The following DPF3 variants were observed in gnomAD, a reference collection of about 807,000 sequenced individuals.
DPF3 encodes zinc finger protein DPF3.
In DPF3, 18 loss-of-function variants were observed where a neutral mutation model predicts 56.8. That is an observed-to-expected ratio of 0.32 (90% confidence interval 0.22 to 0.47). The LOEUF is 0.47. Among genes scored for constraint, DPF3 ranks in the 20% least tolerant of loss-of-function variants. The pLI, the probability that DPF3 is intolerant of heterozygous loss-of-function variation, is 1.00. For missense variants in DPF3, 403 were observed against 488.8 expected, an observed-to-expected ratio of 0.82 and a Z score of 1.65; for synonymous variants, 188 against 180.2, an observed-to-expected ratio of 1.04 and a Z score of -0.35.
At chr14:72,861,472 G>A (rs1444963315) in intron 1 of DPF3, among the ~76,000 whole-genome samples, 1 of 151,968 alleles carries the variant, frequency 6.6e-6, no homozygotes, top group Non-Finnish European at 1.5e-5. Context: ...GGGTGAATTT[G>A]GTCATTTTGC....
intron 1 of DPF3, chr14:72,879,972 A>G (rs538077742): frequency 1.1e-5 from 16 of 1,470,810 alleles, no homozygotes; most frequent in Non-Finnish European, 1.2e-5. Context: ...GAAAGGTGAA[A>G]AAGAAACACC....
chr14:72,715,853 C>G (rs1487066814), intron 5 of DPF3, among the ~76,000 whole-genome samples: 1 of 151,266 alleles, frequency 6.6e-6, no homozygotes, highest in Non-Finnish European at 1.5e-5. Context: ...CCACCCCACC[C>G]CTGCAGCGCT....
At chr14:72,793,893 C>T (rs1408590538) in intron 1 of DPF3, among the ~76,000 whole-genome samples, 1 of 152,246 alleles carries the variant, frequency 6.6e-6, no homozygotes, top group Non-Finnish European at 1.5e-5. Context: ...GTTCTCTGGC[C>T]ACCCTCCAGC....
At chr14:72,696,591 C>T (rs781172929) in intron 6 of DPF3, among the ~76,000 whole-genome samples, 15 of 152,168 alleles carry the variant, frequency 9.9e-5, no homozygotes, top group East Asian at 1.9e-4. Flanking sequence ...AGGAGATGGG[C>T]GAAGAGGCAA....
At chr14:72,619,504 T>C in intron 10 of DPF3, 137 bp from the exon 11 acceptor site, 1 of 955,794 alleles carries the variant, frequency 1.0e-6, no homozygotes, top group South Asian at 1.6e-5. Flanking sequence ...CCTGAAAACG[T>C]GCCAGAGTCT....
At chr14:72,682,013 G>A (rs890872019) in intron 7 of DPF3, among the ~76,000 whole-genome samples, 9 of 152,212 alleles carry the variant, frequency 5.9e-5, no homozygotes, top group African/African-American at 2.2e-4. Context: ...AGGAGTTCAA[G>A]ACCAGCCTGG....
intron 1 of DPF3, among the ~76,000 whole-genome samples, chr14:72,794,560 C>G (rs1892562171): frequency 6.6e-6 from 1 of 152,114 alleles, no homozygotes; most frequent in Non-Finnish European, 1.5e-5. Context: ...TCTCACAGCA[C>G]ACATCCTCCC....
chr14:72,677,031 C>A (rs531772773), intron 7 of DPF3, among the ~76,000 whole-genome samples: 3 of 152,224 alleles, frequency 2.0e-5, no homozygotes, highest in South Asian at 2.1e-4. Flanking sequence ...GAATTGAATT[C>A]ATCTGAAAAA....
chr14:72,828,013 T>C (rs976190578), intron 1 of DPF3, among the ~76,000 whole-genome samples: 1 of 152,200 alleles, frequency 6.6e-6, no homozygotes, highest in Non-Finnish European at 1.5e-5. Context: ...ATCTCTACTT[T>C]TGAAAACAAT....
chr14:72,672,243 TA>T (rs1886722048), intron 8 of DPF3, among the ~76,000 whole-genome samples: 1 of 152,192 alleles, frequency 6.6e-6, no homozygotes, highest in South Asian at 2.1e-4. Flanking sequence ...TTTTGCATTC[TA>T]AATGAGCCCC....
At chr14:72,849,054 A>G (rs1050070170) in intron 1 of DPF3, among the ~76,000 whole-genome samples, 7 of 152,222 alleles carry the variant, frequency 4.6e-5, no homozygotes, top group Non-Finnish European at 8.8e-5. Context: ...AAAAAAGTTA[A>G]ATAACTTGCC....
At position 72,798,376 on chromosome 14, in the gene DPF3, C is replaced by T. The variant is rs114063591; in HGVS notation, c.33-26483G>A. Among the ~76,000 whole-genome samples, 1,285 of 149,550 alleles carry T rather than the reference C, an allele frequency of 8.6e-3. 16 individuals carry two copies. The highest frequency in any genetic ancestry group is 0.03 in the African/African-American group (1,209 of 40,816). ...CTTAAGAGCCCCATTTATCCTTTTG[C>T]TGTCTTCCTTTTAATATTCTGTATC... On this transcript the variant is annotated intron_variant, in intron 1 of 10. Transcript: ENST00000556509.
intron 2 of DPF3, among the ~76,000 whole-genome samples, chr14:72,761,357 G>C (rs77328844): frequency 0.03 from 4,549 of 152,102 alleles, 210 homozygotes; most frequent in African/African-American, 0.1. Context: ...AAAAGAATTT[G>C]AACCATAAAA....
intron 3 of DPF3, among the ~76,000 whole-genome samples, chr14:72,738,106 G>A (rs1889972184): frequency 6.6e-6 from 1 of 152,094 alleles, no homozygotes; most frequent in Non-Finnish European, 1.5e-5. Context: ...GAGAAGGGAG[G>A]GAGGTATTGT....
intron 1 of DPF3, among the ~76,000 whole-genome samples, chr14:72,791,692 C>T (rs535439289): frequency 2.2e-4 from 34 of 152,326 alleles, no homozygotes; most frequent in African/African-American, 7.9e-4. Context: ...TTCTGGGTTG[C>T]CATTTGCATA....
intron 8 of DPF3, chr14:72,661,070 T>C (rs1054368153): frequency 1.0e-6 from 1 of 985,392 alleles, no homozygotes; most frequent in Non-Finnish European, 1.2e-6. Context: ...AGACTTTTTA[T>C]TTAACAGAAA....
intron 2 of DPF3, 121 bp downstream of exon 2, chr14:72,771,612 T>G: frequency 8.5e-7 from 1 of 1,171,682 alleles, no homozygotes; most frequent in South Asian, 1.6e-5. Context: ...CAGAGGCCCA[T>G]GTGCAGCTTG....
intron 8 of DPF3, among the ~76,000 whole-genome samples, chr14:72,633,167 G>A (rs1567184601): frequency 6.6e-6 from 1 of 152,174 alleles, no homozygotes; most frequent in Non-Finnish European, 1.5e-5. Flanking sequence ...AAACTTAGAT[G>A]AGAAAGACTG....
chr14:72,814,966 GA>G (rs1288685471), intron 1 of DPF3, among the ~76,000 whole-genome samples: 1 of 152,032 alleles, frequency 6.6e-6, no homozygotes, highest in African/African-American at 2.4e-5. Context: ...AGTCGTAAAG[GA>G]AAAAAATTGA....
Sources: gnomAD v4.1 joint callset for allele counts (sites outside exome capture counted in the v4.1 genomes callset) on GRCh38, gnomAD v4.1.1 for gene constraint, MANE v1.5 for transcripts, NCBI Gene and HGNC (gene_info 2026-07-23, HGNC 2026-07-21) for gene names.